Variants in UBASH3B observed in about 807,000 individuals in gnomAD.
UBASH3B encodes the protein ubiquitin associated and SH3 domain containing B.
In UBASH3B, 37 loss-of-function variants were observed where a neutral mutation model predicts 83.4. The ratio of observed to expected loss-of-function variants is 0.44; its 90% CI spans 0.34 to 0.58. The LOEUF (loss-of-function observed/expected upper bound fraction) is 0.58, where lower values mean the gene tolerates loss of function less well. Among genes scored for constraint, UBASH3B ranks in the 20% least tolerant of loss-of-function variants. UBASH3B has a pLI of 0.01. For missense variants in UBASH3B, 657 were observed against 827.2 expected (o/e 0.79, Z 2.52); for synonymous variants, 304 against 318.3 (o/e 0.96, Z 0.48).
intron 1 of UBASH3B, among the ~76,000 whole-genome samples, chr11:122,756,380 C>T (rs370953237): frequency 1.3e-5 from 2 of 152,296 alleles, no homozygotes; most frequent in African/African-American, 4.8e-5. Flanking sequence ...AAGGCCTGCC[C>T]TGAGGATTAA....
At chr11:122,774,347 C>A in intron 1 of UBASH3B, 1 of 963,602 alleles carries the variant, frequency 1.0e-6, no homozygotes, top group Non-Finnish European at 1.2e-6. Context: ...TGTGCGCAGA[C>A]TTTCATAGGG....
chr11:122,776,991 G>A (rs1484378157), intron 2 of UBASH3B, 33 bp from the exon 3 acceptor site: 2 of 1,543,282 alleles, frequency 1.3e-6, no homozygotes, highest in East Asian at 2.4e-5. Flanking sequence ...TTATTCTCAA[G>A]CGACACCTTG....
chr11:122,690,188 A>AAT (rs1863868811), intron 1 of UBASH3B, among the ~76,000 whole-genome samples: 1 of 21,902 alleles, frequency 4.6e-5, no homozygotes, highest in African/African-American at 1.5e-4. Context: ...ATATATATAT[A>AAT]TATATATATA....
At chr11:122,675,254 C>T (rs1863652643) in intron 1 of UBASH3B, among the ~76,000 whole-genome samples, 1 of 152,210 alleles carries the variant, frequency 6.6e-6, no homozygotes, top group African/African-American at 2.4e-5. Flanking sequence ...CCCTGACTGG[C>T]AAATAAGCAT....
At chr11:122,777,231 C>A in intron 3 of UBASH3B, 21 bp downstream of exon 3, 1 of 1,592,664 alleles carries the variant, frequency 6.3e-7, no homozygotes, top group Non-Finnish European at 8.6e-7. Context: ...GCGCCCCCAC[C>A]CCTGGGAAGC....
In UBASH3B at chr11:122,808,059, T is replaced by C. The variant is rs1861371834; in HGVS notation, c.1703-8T>C. The C allele has an allele frequency of 3.7e-6, 6 of 1,611,210 alleles. No homozygotes were observed. The highest frequency in any genetic ancestry group is 5.1e-6 in the Non-Finnish European group (6 of 1,177,496). The stretch of plus-strand genomic sequence containing the variant: ...ACAGTCTTCCCATACCTTGCCATTT[T>C]CCCCCAGGAAATAACATCCTGATTG... On this transcript the variant is annotated splice_region_variant and splice_polypyrimidine_tract_variant and intron_variant, in intron 12 of 13. Transcript: ENST00000284273.
chr11:122,796,197 C>T lies in UBASH3B; in HGVS notation c.1155C>T (p.Cys385=). The change falls in exon 8 of 14, where the codon TGC becomes TGT. Residue 385 remains cysteine, a synonymous_variant. Transcript: ENST00000284273. ...VNSQPGPQKR[C]LFVCRHGERM... Reference sequence around the variant, plus strand: ...GCCAGCCCGGCCCCCAGAAGCGATGCCTTTTTGTGTGTCGGCATGGTGAGA... The same window carrying T: ...GCCAGCCCGGCCCCCAGAAGCGATGTCTTTTTGTGTGTCGGCATGGTGAGA... 6.2e-7 allele frequency: 1 copy of T among 1,614,132 alleles called. No homozygotes were observed.
At position 122,806,267 on chromosome 11, in the gene UBASH3B, C is replaced by A. The variant is rs536273972; in HGVS notation, c.1596-143C>A. ...TATAGTAGAAATGCTGTTCCCTATACCTTTCTCCTTTCTAGGGAAATGGAT... is the reference window on the plus strand; with the variant it reads ...TATAGTAGAAATGCTGTTCCCTATAACTTTCTCCTTTCTAGGGAAATGGAT... On this transcript the variant is annotated intron_variant, in intron 11 of 13. Coordinates refer to ENST00000284273, the MANE Select transcript of UBASH3B (RefSeq NM_032873.5). The surrounding 1 kb of genome is among the most constrained non-coding windows in gnomAD (Gnocchi z 4.0). The A allele has an allele frequency of 5.3e-4, 359 of 675,462 alleles. 1 individual carries two copies. In the African/African-American group the frequency reaches 6.0e-3, roughly 11 times the overall value. 41.8% of individuals were successfully genotyped at this position (675,462 alleles called of 1,614,324 possible). A position where few individuals can be genotyped will look rare whatever the true frequency, so the allele number is the denominator to read the frequency against.
intron 4 of UBASH3B, among the ~76,000 whole-genome samples, chr11:122,781,567 C>G (rs73020279): frequency 7.2e-5 from 11 of 152,164 alleles, no homozygotes; most frequent in Non-Finnish European, 5.9e-5. Context: ...AGAACTTGGC[C>G]GGCTTCGTTT....
rs572058787 is a variant in UBASH3B, at chr11:122,801,660, C to T, written c.1595+328C>T. Among the ~76,000 whole-genome samples the T allele has an allele frequency of 9.2e-5, 14 of 152,224 alleles. No individual in the cohort carries two copies. The East Asian group carries it at 1.5e-3, about 17-fold the overall frequency. ...GATGATGCAGTTGAGAAGATTGGAG[C>T]GATAAGGGAGATGATGATGTCTTGT... On this transcript the variant is annotated intron_variant, in intron 11 of 13. Transcript: ENST00000284273.
At chr11:122,741,531 A>AT (rs1477911165) in intron 1 of UBASH3B, among the ~76,000 whole-genome samples, 1 of 152,190 alleles carries the variant, frequency 6.6e-6, no homozygotes, top group Non-Finnish European at 1.5e-5. Context: ...GTCAGTGAAC[A>AT]TCCCACTCCA....
chr11:122,686,409 G>C (rs1863809241), intron 1 of UBASH3B, among the ~76,000 whole-genome samples: 1 of 152,250 alleles, frequency 6.6e-6, no homozygotes, highest in Non-Finnish European at 1.5e-5. Flanking sequence ...CTTGACTCCA[G>C]GGTGTGGATC....
rs1478253292 is a variant in UBASH3B at position 122,811,890 on chromosome 11, T to C, written c.*2004T>C. ...ATTTGTAATGAAGTGAATCCACTGT[T>C]TAATCAGATCCATAATCTTTAACAG... On this transcript the variant is annotated 3_prime_UTR_variant, in exon 14 of 14. Coordinates refer to ENST00000284273, the MANE Select transcript of UBASH3B (RefSeq NM_032873.5). 6.6e-6 allele frequency: 1 copy of C among 152,204 alleles called. No homozygotes were observed. The highest frequency in any genetic ancestry group is 1.5e-5 in the Non-Finnish European group (1 of 68,034). The allele number at this position is 152,204 out of a possible 1,614,324, so 9.4% of individuals were successfully genotyped here.
At position 122,806,422 on chromosome 11, in the gene UBASH3B, A is replaced by C; in HGVS notation, c.1608A>C (p.Pro536=). ...SVDTTYRPHI[P]ISKLVVSESY... ...TTTTCTATTACAGACCTCACATTCC[A>C]ATCAGCAAATTAGTTGTTTCAGAAT... The change falls in exon 12 of 14, where the codon CCA becomes CCC. Residue 536 remains proline (P), a synonymous_variant. Transcript: ENST00000284273. This position sits in a 1 kb window ranked among gnomAD's most constrained non-coding sequence, Gnocchi z 4.0. The C allele has an allele frequency of 6.2e-7, 1 of 1,602,056 alleles. No homozygotes were observed. The highest frequency in any genetic ancestry group is 8.5e-7 in the Non-Finnish European group (1 of 1,176,578).
intron 1 of UBASH3B, among the ~76,000 whole-genome samples, chr11:122,772,600 C>A (rs1860664335): frequency 6.6e-6 from 1 of 152,178 alleles, no homozygotes; most frequent in South Asian, 2.1e-4. Flanking sequence ...AAACCTCCTT[C>A]AAGGTCATGA....
chr11:122,768,410 G>A (rs1481688684), intron 1 of UBASH3B, among the ~76,000 whole-genome samples: 1 of 150,450 alleles, frequency 6.6e-6, no homozygotes, highest in African/African-American at 2.4e-5. Flanking sequence ...ACTGAATCAT[G>A]TATTTACTCA....
At chr11:122,738,001 A>G (rs1322033725) in intron 1 of UBASH3B, among the ~76,000 whole-genome samples, 1 of 152,200 alleles carries the variant, frequency 6.6e-6, no homozygotes, top group East Asian at 1.9e-4. Context: ...GGAAACTGAG[A>G]ATAAGCCACT....
At chr11:122,750,259 G>A (rs1419000256) in intron 1 of UBASH3B, among the ~76,000 whole-genome samples, 1 of 152,176 alleles carries the variant, frequency 6.6e-6, no homozygotes, top group Non-Finnish European at 1.5e-5. Flanking sequence ...GGGCTCAGTT[G>A]CAGGGCCCCC....
chr11:122,724,770 T>C (rs146297086), intron 1 of UBASH3B, among the ~76,000 whole-genome samples: 5 of 151,374 alleles, frequency 3.3e-5, no homozygotes, highest in African/African-American at 4.9e-5. Context: ...TGACAGAAAG[T>C]GGGGAATGTG....
Sources: gnomAD v4.1 joint callset for allele counts (sites outside exome capture counted in the v4.1 genomes callset) on GRCh38, gnomAD v4.1.1 for gene constraint, Gnocchi (gnomAD v3.1) non-coding constraint, MANE v1.5 for transcripts, NCBI Gene and HGNC (gene_info 2026-07-23, HGNC 2026-07-21) for gene names.